ARHGEF3: variants seen among roughly 807,000 people sequenced by gnomAD.
ARHGEF3 encodes the protein 59.8 kDA protein.
A neutral mutation model predicts 63.2 loss-of-function variants in ARHGEF3; 28 were observed. The observed-to-expected ratio is 0.44, with a 90% CI of 0.33 to 0.61. The LOEUF (loss-of-function observed/expected upper bound fraction) is 0.61, where lower values mean the gene tolerates loss of function less well. ARHGEF3 is among the 20% of genes least tolerant of loss of function. The pLI is 0.03. For missense variants in ARHGEF3, 533 were observed against 659.3 expected, an observed-to-expected ratio of 0.81 and a Z score of 2.10; for synonymous variants, 266 against 254.2, an observed-to-expected ratio of 1.05 and a Z score of -0.44.
chr3:57,036,056 C>T (rs1703950539), intron 1 of ARHGEF3, among the ~76,000 whole-genome samples: 1 of 152,150 alleles, frequency 6.6e-6, no homozygotes, highest in Non-Finnish European at 1.5e-5. Context: ...GCTTGGTACA[C>T]ACTATGTATG....
exon 1 of ARHGEF3, chr3:57,079,251 C>T (rs1706352504): frequency 5.0e-6 from 2 of 396,748 alleles, no homozygotes; most frequent in Non-Finnish European, 8.9e-6. Flanking sequence ...GGTTCGGCCT[C>T]TCCAGGCTGG....
At chr3:56,982,261 A>G (rs1701355278) in intron 2 of ARHGEF3, among the ~76,000 whole-genome samples, 1 of 152,184 alleles carries the variant, frequency 6.6e-6, no homozygotes, top group South Asian at 2.1e-4. Context: ...CTTTAAAAAA[A>G]AAAAAAAAGT....
At position 56,795,634 on chromosome 3, in the gene ARHGEF3, C is replaced by G. The variant is rs112933124; in HGVS notation, c.96+6069G>C. Among the ~76,000 whole-genome samples the G allele has an allele frequency of 1.2e-4, 18 of 148,150 alleles. 1 individual carries two copies. The Admixed American group carries it at 1.2e-3, about 10-fold the overall frequency. On this transcript the variant is annotated intron_variant, in intron 1 of 9. Transcript: ENST00000296315. Reference sequence around the variant, plus strand: ...AGGTTTGGAAACCTTTCCTGATTAACTTGTGACACAGTCTCTCTCTCTTTT... The same window carrying G: ...AGGTTTGGAAACCTTTCCTGATTAAGTTGTGACACAGTCTCTCTCTCTTTT...
intron 6 of ARHGEF3, among the ~76,000 whole-genome samples, chr3:56,747,566 G>C (rs533270235): frequency 6.6e-6 from 1 of 152,158 alleles, no homozygotes; most frequent in African/African-American, 2.4e-5. Flanking sequence ...GGCCGGGTGC[G>C]GTGGTTCACG....
chr3:56,853,014 G>A (rs1427887296), intron 4 of ARHGEF3, among the ~76,000 whole-genome samples: 2 of 152,204 alleles, frequency 1.3e-5, no homozygotes, highest in Non-Finnish European at 2.9e-5. Flanking sequence ...AGGGGCATTT[G>A]TGTTCAAGAA....
At chr3:56,933,970 C>T (rs1285105781) in intron 3 of ARHGEF3, among the ~76,000 whole-genome samples, 2 of 152,198 alleles carry the variant, frequency 1.3e-5, no homozygotes, top group African/African-American at 4.8e-5. Context: ...GTTCTTCCTT[C>T]ACACACTTGC....
chr3:56,780,126 A>C (rs1310059229), intron 1 of ARHGEF3, among the ~76,000 whole-genome samples: 1 of 152,236 alleles, frequency 6.6e-6, no homozygotes, highest in Non-Finnish European at 1.5e-5. Context: ...GTACTGGACT[A>C]TACACCTCTG....
chr3:56,921,719 C>T (rs1178861345), intron 3 of ARHGEF3, among the ~76,000 whole-genome samples: 1 of 152,216 alleles, frequency 6.6e-6, no homozygotes, highest in South Asian at 2.1e-4. Context: ...AGACTGTGAA[C>T]ATTTGAAAAT....
At chr3:56,963,726 C>A (rs1196664117) in intron 2 of ARHGEF3, among the ~76,000 whole-genome samples, 9 of 152,178 alleles carry the variant, frequency 5.9e-5, no homozygotes, top group Admixed American at 5.9e-4. Context: ...GAATGTGGTA[C>A]CACCTGTGCC....
intron 3 of ARHGEF3, chr3:56,940,296 TA>T (rs936564080): frequency 6.6e-6 from 1 of 152,152 alleles, no homozygotes; most frequent in Non-Finnish European, 1.5e-5. Flanking sequence ...ATTTTGTAAT[TA>T]ACCCAGAAGG....
intron 4 of ARHGEF3, among the ~76,000 whole-genome samples, chr3:56,752,607 T>A (rs1578414487): frequency 6.6e-6 from 1 of 152,146 alleles, no homozygotes; most frequent in Admixed American, 6.5e-5. Context: ...TCTAGGAAGG[T>A]AGGGCCACCA....
intron 8 of ARHGEF3, 33 bp downstream of exon 8, chr3:56,737,152 G>C (rs781500411): frequency 6.3e-7 from 1 of 1,581,926 alleles, no homozygotes; most frequent in African/African-American, 1.4e-5. Flanking sequence ...TACGGGAGGC[G>C]GATAAGACTG....
intron 2 of ARHGEF3, among the ~76,000 whole-genome samples, chr3:56,977,943 C>T (rs887530601): frequency 1.3e-5 from 2 of 152,140 alleles, no homozygotes; most frequent in Non-Finnish European, 2.9e-5. Context: ...GCAGAAGCCC[C>T]TCAGCCTCCC....
intron 4 of ARHGEF3, among the ~76,000 whole-genome samples, chr3:56,858,243 CAAAAAA>C (rs10543472): frequency 7.9e-5 from 7 of 88,090 alleles, no homozygotes; most frequent in Admixed American, 3.9e-4. Context: ...GACCCTGTCT[CAAAAAA>C]AAAAAAAAAA....
At chr3:56,972,154 C>T (rs556261165) in intron 2 of ARHGEF3, among the ~76,000 whole-genome samples, 5 of 152,066 alleles carry the variant, frequency 3.3e-5, no homozygotes, top group African/African-American at 4.8e-5. Flanking sequence ...AGGGAGAGAA[C>T]GGTAACCCAA....
chr3:56,770,214 C>A (rs534088023), intron 2 of ARHGEF3, among the ~76,000 whole-genome samples: 39 of 152,130 alleles, frequency 2.6e-4, no homozygotes, highest in African/African-American at 8.7e-4. Flanking sequence ...GAGTCTGAGA[C>A]CAGCCTGGCC....
chr3:56,856,683 T>G (rs1478027812), intron 4 of ARHGEF3, among the ~76,000 whole-genome samples: 1 of 143,890 alleles, frequency 6.9e-6, no homozygotes, highest in African/African-American at 2.5e-5. Flanking sequence ...TGAGCCAAAT[T>G]CTTTTCCATC....
intron 2 of ARHGEF3, among the ~76,000 whole-genome samples, chr3:56,992,402 A>AC (rs1560113732): frequency 8.3e-5 from 12 of 143,878 alleles, no homozygotes; most frequent in Admixed American, 4.1e-4. Flanking sequence ...AAAAAAAAAA[A>AC]AAAAAAAAAA....
At chr3:57,048,392 C>T (rs185671647) in intron 1 of ARHGEF3, among the ~76,000 whole-genome samples, 4 of 152,284 alleles carry the variant, frequency 2.6e-5, no homozygotes, top group African/African-American at 9.6e-5. Context: ...TCTTCCAGCA[C>T]GATGAGACCT....
Sources: allele counts gnomAD v4.1 joint callset (sites outside exome capture counted in the v4.1 genomes callset), GRCh38; gene constraint gnomAD v4.1.1; transcripts MANE v1.5; gene names NCBI Gene and HGNC (gene_info 2026-07-23, HGNC 2026-07-21).